Variants in GRIK4 observed in about 807,000 individuals in gnomAD.
GRIK4 encodes the protein glutamate receptor ionotropic, kainate 4.
A neutral mutation model predicts 104.9 loss-of-function variants in GRIK4; 40 were observed. That is an observed-to-expected ratio of 0.38 (90% CI 0.30 to 0.50). GRIK4 has a LOEUF of 0.50. GRIK4 is among the 20% of genes least tolerant of loss of function. GRIK4 has a pLI of 0.93. For synonymous variants in GRIK4, 485 were observed against 524.9 expected, an observed-to-expected ratio of 0.92 and a Z score of 1.04; for missense variants, 1,047 against 1,308.1, an observed-to-expected ratio of 0.80 and a Z score of 3.08.
chr11:120,852,819 G>C (rs1954005082), intron 8 of GRIK4, among the ~76,000 whole-genome samples: 2 of 152,138 alleles, frequency 1.3e-5, no homozygotes, highest in African/African-American at 4.8e-5. Context: ...GTGGCTCCAG[G>C]GCTTTCCTGC....
chr11:120,968,207 G>A (rs1269163255), intron 19 of GRIK4, among the ~76,000 whole-genome samples: 1 of 152,162 alleles, frequency 6.6e-6, no homozygotes, highest in Non-Finnish European at 1.5e-5. Context: ...GAGCACCCAG[G>A]ATTTTCTGTA....
rs1262908696 is a variant in GRIK4, at chr11:120,988,090, G to A, written c.*1830G>A. ...TCTTTATGCCAGGACAATCAGTTAGGGCTGCCGTCCTGGGGGCCAAATGGT... is the reference window on the plus strand; with the variant it reads ...TCTTTATGCCAGGACAATCAGTTAGAGCTGCCGTCCTGGGGGCCAAATGGT... On this transcript the variant is annotated 3_prime_UTR_variant, in exon 21 of 21. Coordinates refer to ENST00000527524, the MANE Select transcript of GRIK4 (RefSeq NM_014619.5). The A allele has an allele frequency of 6.6e-6, 1 of 152,192 alleles. No individual in the cohort carries two copies. Among genetic ancestry groups the A allele is most frequent in the African/African-American group, 2.4e-5 (1 of 41,438 alleles). The allele number at this position is 152,192 out of a possible 1,614,324, so 9.4% of individuals were successfully genotyped here.
chr11:120,822,500 T>A (rs2135548005), intron 6 of GRIK4, among the ~76,000 whole-genome samples: 1 of 152,316 alleles, frequency 6.6e-6, no homozygotes, highest in Middle Eastern at 3.4e-3. Context: ...TCTGGATCTG[T>A]GATGACCAAA....
chr11:120,709,756 G>A (rs1231550620), intron 3 of GRIK4, among the ~76,000 whole-genome samples: 3 of 152,090 alleles, frequency 2.0e-5, no homozygotes, highest in Admixed American at 2.0e-4. Context: ...GGCTCTTTTA[G>A]GTTTTCTGAT....
chr11:120,531,765 G>A (rs1470697143), intron 1 of GRIK4, among the ~76,000 whole-genome samples: 1 of 151,874 alleles, frequency 6.6e-6, no homozygotes, highest in Non-Finnish European at 1.5e-5. Flanking sequence ...TAGTAGAGAC[G>A]GGTTTTCACC....
At position 120,824,462 on chromosome 11, in the gene GRIK4, C is replaced by T. The variant is rs1461957409; in HGVS notation, c.511+4542C>T. ...CTACCTGTTGACCTCAGGCTGGGCC[C>T]GAAGCCACAGGTATAACATGCCGTG... On this transcript the variant is annotated intron_variant, in intron 6 of 20. Coordinates refer to ENST00000527524, the MANE Select transcript of GRIK4 (RefSeq NM_014619.5). Among the ~76,000 whole-genome samples the T allele has an allele frequency of 2.0e-5, 3 of 152,080 alleles. No homozygotes were observed. In the East Asian group the frequency reaches 5.8e-4, roughly 29 times the overall value.
At chr11:120,699,266 C>G (rs1429207893) in intron 3 of GRIK4, among the ~76,000 whole-genome samples, 1 of 152,186 alleles carries the variant, frequency 6.6e-6, no homozygotes, top group Non-Finnish European at 1.5e-5. Flanking sequence ...ATCAAATTGT[C>G]TGCTTTAAGG....
intron 1 of GRIK4, among the ~76,000 whole-genome samples, chr11:120,623,765 T>G (rs1949218721): frequency 1.3e-5 from 2 of 152,162 alleles, no homozygotes; most frequent in African/African-American, 4.8e-5. Context: ...TGAGGTACCC[T>G]CAAAGGCAGG....
At chr11:120,699,275 G>A (rs1410950171) in intron 3 of GRIK4, among the ~76,000 whole-genome samples, 1 of 152,180 alleles carries the variant, frequency 6.6e-6, no homozygotes, top group Non-Finnish European at 1.5e-5. Context: ...TCTGCTTTAA[G>A]GAAAGATCAA....
chr11:120,729,553 C>T (rs1430022515), intron 3 of GRIK4, among the ~76,000 whole-genome samples: 3 of 152,132 alleles, frequency 2.0e-5, no homozygotes, highest in Admixed American at 6.5e-5. Flanking sequence ...GCCATTTGTA[C>T]GTCTTCTTTT....
At chr11:120,532,194 G>A (rs1947930708) in intron 1 of GRIK4, among the ~76,000 whole-genome samples, 1 of 152,158 alleles carries the variant, frequency 6.6e-6, no homozygotes, top group Non-Finnish European at 1.5e-5. Context: ...CTGAGTCCTT[G>A]GTTGCTCCTC....
intron 1 of GRIK4, among the ~76,000 whole-genome samples, chr11:120,581,458 T>G (rs1591711653): frequency 6.6e-6 from 1 of 152,354 alleles, no homozygotes. Context: ...ATTTTAAATG[T>G]ACAGTTCAGC....
At chr11:120,742,427 AAAAG>A (rs1951350144) in intron 3 of GRIK4, among the ~76,000 whole-genome samples, 1 of 152,012 alleles carries the variant, frequency 6.6e-6, no homozygotes, top group Non-Finnish European at 1.5e-5. Flanking sequence ...ATATGAAAAA[AAAAG>A]CTCAATATCA....
At chr11:120,574,903 G>A (rs552465691) in intron 1 of GRIK4, among the ~76,000 whole-genome samples, 1 of 152,252 alleles carries the variant, frequency 6.6e-6, no homozygotes, top group Admixed American at 6.5e-5. Flanking sequence ...AGTCTACACC[G>A]AGTGACAGGA....
At chr11:120,612,271 T>C (rs564763107) in intron 1 of GRIK4, among the ~76,000 whole-genome samples, 1 of 152,338 alleles carries the variant, frequency 6.6e-6, no homozygotes, top group Admixed American at 6.5e-5. Flanking sequence ...AATGGCACTT[T>C]GTTGAATGAA....
At chr11:120,846,109 G>GA (rs1427961989) in intron 8 of GRIK4, among the ~76,000 whole-genome samples, 1 of 152,316 alleles carries the variant, frequency 6.6e-6, no homozygotes, top group East Asian at 1.9e-4. Context: ...TTCAGAAGGA[G>GA]AAAAAACAGA....
At chr11:120,812,188 C>T (rs952439325) in intron 4 of GRIK4, among the ~76,000 whole-genome samples, 3 of 152,162 alleles carry the variant, frequency 2.0e-5, no homozygotes, top group Admixed American at 6.5e-5. Flanking sequence ...GGCCCTTGAC[C>T]TGTAAAGCAG....
intron 11 of GRIK4, among the ~76,000 whole-genome samples, chr11:120,883,782 G>A (rs905768730): frequency 4.6e-5 from 7 of 152,246 alleles, no homozygotes. Context: ...CATTTTAAAT[G>A]TATTTCTTAT....
At position 120,777,138 on chromosome 11, in the gene GRIK4, G is replaced by A. The variant is rs560685218; in HGVS notation, c.83-25555G>A. Reference sequence around the variant, plus strand: ...CCTCCCATTCTAAAAACACCGACGCGGGTTTCTTCAAAGTTTATCTTTGAG... The same window carrying A: ...CCTCCCATTCTAAAAACACCGACGCAGGTTTCTTCAAAGTTTATCTTTGAG... On this transcript the variant is annotated intron_variant, in intron 3 of 20. Coordinates refer to ENST00000527524, the MANE Select transcript of GRIK4 (RefSeq NM_014619.5). Among the ~76,000 whole-genome samples, 58 of 152,212 alleles carry A rather than the reference G, an allele frequency of 3.8e-4. 1 individual carries two copies. The South Asian group carries it at 0.011, about 28-fold the overall frequency.
Sources: gnomAD v4.1 joint callset for allele counts (sites outside exome capture counted in the v4.1 genomes callset) on GRCh38, gnomAD v4.1.1 for gene constraint, MANE v1.5 for transcripts, NCBI Gene and HGNC (gene_info 2026-07-23, HGNC 2026-07-21) for gene names.